Variants in SLC5A12 observed in about 807,000 individuals in gnomAD.
SLC5A12 encodes sodium-coupled monocarboxylate transporter 2.
Under a neutral mutation model 72.7 loss-of-function variants are expected in SLC5A12, and 46 were observed. The ratio of observed to expected loss-of-function variants is 0.63; its 90% CI spans 0.50 to 0.81. The LOEUF is 0.81. Among genes scored for constraint, SLC5A12 ranks in the 30% least tolerant of loss-of-function variants. The probability of loss-of-function intolerance (pLI) is 0.00; values close to 1 mark genes in which losing one functional copy is unlikely to be tolerated. For missense variants in SLC5A12, 683 were observed against 740.7 expected, an observed-to-expected ratio of 0.92 and a Z score of 0.90; for synonymous variants, 275 against 264.4, an observed-to-expected ratio of 1.04 and a Z score of -0.39.
At chr11:26,686,367 T>C in intron 10 of SLC5A12, 110 bp downstream of exon 10, 1 of 836,746 alleles carries the variant, frequency 1.2e-6, no homozygotes, top group East Asian at 2.5e-5. Context: ...AATTTGGAGC[T>C]GGTATCATTA....
At chr11:26,715,913 A>T (rs554480284) in intron 1 of SLC5A12, among the ~76,000 whole-genome samples, 28 of 152,330 alleles carry the variant, frequency 1.8e-4, no homozygotes, top group African/African-American at 6.3e-4. Flanking sequence ...TATGGGGCCC[A>T]TCTGAGCCAG....
rs537971263 is a variant in SLC5A12 at position 26,698,636 on chromosome 11, G to T, written c.822-101C>A. The T allele has an allele frequency of 7.3e-5, 82 of 1,127,240 alleles. No individual in the cohort carries two copies. In the African/African-American group the frequency reaches 1.1e-3, roughly 15 times the overall value. The allele number at this position is 1,127,240 out of a possible 1,614,324, so 69.8% of individuals were successfully genotyped here. On this transcript the variant is annotated intron_variant, in intron 6 of 14. Transcript: ENST00000396005. ...AAGGTAAAGGGTTTTGGGTCTTTTT[G>T]CTAGTAAAATAAAATTCTATAGCCT...
chr11:26,684,748 A>G (rs191576677), intron 10 of SLC5A12, among the ~76,000 whole-genome samples: 47 of 152,290 alleles, frequency 3.1e-4, no homozygotes, highest in African/African-American at 9.1e-4. Flanking sequence ...TCATACTTCA[A>G]TTGCAGAGGA....
chr11:26,710,019 C>T (rs1855184559), intron 3 of SLC5A12, among the ~76,000 whole-genome samples: 1 of 152,106 alleles, frequency 6.6e-6, no homozygotes, highest in African/African-American at 2.4e-5. Flanking sequence ...CTCCCCTAGC[C>T]CCCTACCCAC....
intron 3 of SLC5A12, 125 bp from the exon 4 acceptor site, chr11:26,709,504 G>A (rs945962630): frequency 3.0e-6 from 2 of 670,008 alleles, no homozygotes; most frequent in African/African-American, 3.6e-5. Flanking sequence ...AATCAAATTA[G>A]AGTTTTCCCT....
At chr11:26,715,112 C>T (rs1418706512) in intron 1 of SLC5A12, among the ~76,000 whole-genome samples, 1 of 152,122 alleles carries the variant, frequency 6.6e-6, no homozygotes, top group Non-Finnish European at 1.5e-5. Flanking sequence ...ATGATTTTCT[C>T]TTCTGAAAGT....
intron 14 of SLC5A12, among the ~76,000 whole-genome samples, chr11:26,672,674 A>C (rs971877528): frequency 6.6e-6 from 1 of 152,238 alleles, no homozygotes; most frequent in South Asian, 2.1e-4. Flanking sequence ...ACCTTGCTGC[A>C]TCAAGTCAGT....
At position 26,721,817 on chromosome 11, in the gene SLC5A12, G is replaced by A; in HGVS notation, c.-103C>T. 1.0e-6 allele frequency: 1 copy of A among 976,516 alleles called. No homozygotes were observed. The allele number at this position is 976,516 out of a possible 1,614,324, so 60.5% of individuals were successfully genotyped here. On this transcript the variant is annotated 5_prime_UTR_variant, in exon 1 of 15. Transcript: ENST00000396005. ...CAGTGGATGCTTTGCTGAGAGGAGA[G>A]ACTGTGATTCCCTGAAGAAAATGAT... is the stretch of plus-strand genomic sequence containing the variant.
At chr11:26,681,752 A>C (rs1854416120) in intron 11 of SLC5A12, among the ~76,000 whole-genome samples, 1 of 152,120 alleles carries the variant, frequency 6.6e-6, no homozygotes, top group Admixed American at 6.6e-5. Flanking sequence ...TTCTTGATAA[A>C]TAGTGAAAAG....
chr11:26,712,783 A>G, intron 1 of SLC5A12, 77 bp from the exon 2 acceptor site: 6 of 1,025,128 alleles, frequency 5.9e-6, no homozygotes, highest in Non-Finnish European at 7.4e-6. Context: ...TTATCTTGGT[A>G]TATCCTCTGT....
chr11:26,695,144 T>A (rs1854778618), intron 8 of SLC5A12, among the ~76,000 whole-genome samples: 1 of 152,088 alleles, frequency 6.6e-6, no homozygotes, highest in East Asian at 1.9e-4. Flanking sequence ...ATAAAATTAA[T>A]TAAGGTATTA....
chr11:26,675,060 AC>A (rs1404082409), intron 13 of SLC5A12, among the ~76,000 whole-genome samples: 1 of 152,144 alleles, frequency 6.6e-6, no homozygotes, highest in Non-Finnish European at 1.5e-5. Context: ...GAGTTGCAAA[AC>A]CTCAAACTTC....
intron 1 of SLC5A12, among the ~76,000 whole-genome samples, chr11:26,719,106 T>C (rs140011747): frequency 6.8e-4 from 103 of 152,306 alleles, no homozygotes; most frequent in African/African-American, 2.4e-3. Context: ...AAACCAGTTA[T>C]GGCTAAGCAT....
chr11:26,675,899 T>C (rs1248828041), intron 13 of SLC5A12, among the ~76,000 whole-genome samples: 1 of 151,948 alleles, frequency 6.6e-6, no homozygotes, highest in African/African-American at 2.4e-5. Context: ...AAAGAGATGG[T>C]CTATAAACTT....
intron 12 of SLC5A12, among the ~76,000 whole-genome samples, chr11:26,679,191 C>T (rs1854333996): frequency 6.6e-6 from 1 of 151,862 alleles, no homozygotes; most frequent in Admixed American, 6.6e-5. Flanking sequence ...CATACAGGAG[C>T]TAATAGACAA....
intron 14 of SLC5A12, among the ~76,000 whole-genome samples, 199 bp downstream of exon 14, chr11:26,673,203 G>T (rs1854184269): frequency 6.6e-6 from 1 of 152,118 alleles, no homozygotes; most frequent in South Asian, 2.1e-4. Context: ...CAGCTACAAG[G>T]CACTTTTACC....
intron 6 of SLC5A12, among the ~76,000 whole-genome samples, chr11:26,699,190 T>C (rs1287485654): frequency 6.6e-6 from 1 of 152,188 alleles, no homozygotes; most frequent in East Asian, 1.9e-4. Context: ...CCTTTGAAAG[T>C]AAAAATTTTA....
chr11:26,721,383 G>A lies in SLC5A12; in HGVS notation c.332C>T (p.Thr111Ile), dbSNP rs1855475705. The A allele has an allele frequency of 6.2e-7, 1 of 1,604,982 alleles. No individual in the cohort carries two copies. The highest frequency in any genetic ancestry group is 8.5e-7 in the Non-Finnish European group (1 of 1,174,556). Residue 111 changes from threonine (T) to isoleucine (I), a missense_variant, in exon 1 of 15, where the codon ACT becomes ATT. Transcript: ENST00000396005. ...ATGGAGAAATCATCTTACCTCATAAGTGCTGGTGATACCAGATCTGTAGAA... is the reference window on the plus strand; with the variant it reads ...ATGGAGAAATCATCTTACCTCATAAATGCTGGTGATACCAGATCTGTAGAA... Reference protein sequence around the residue: ...PVFYRSGITSTYEYLQLRFNK... With the variant: ...PVFYRSGITSIYEYLQLRFNK...
intron 12 of SLC5A12, among the ~76,000 whole-genome samples, chr11:26,680,309 AT>A (rs1276609499): frequency 5.7e-5 from 7 of 123,318 alleles, no homozygotes; most frequent in African/African-American, 2.1e-4. Context: ...ATATTCATAT[AT>A]ATATATGTAT....
Sources: allele counts gnomAD v4.1 joint callset (sites outside exome capture counted in the v4.1 genomes callset), GRCh38; gene constraint gnomAD v4.1.1; transcripts MANE v1.5; gene names NCBI Gene and HGNC (gene_info 2026-07-23, HGNC 2026-07-21).